Variants in DAB1 observed in about 807,000 individuals in gnomAD.
DAB1 encodes DAB adaptor protein 1.
Under a neutral mutation model 64.6 loss-of-function variants are expected in DAB1, and 15 were observed. The observed-to-expected ratio is 0.23, with a 90% confidence interval of 0.16 to 0.36. DAB1 has a LOEUF of 0.36. Ranked by LOEUF, DAB1 falls within the 10% of genes least tolerant of loss-of-function variation. The pLI is 1.00. For synonymous variants in DAB1, 235 were observed against 251.9 expected (o/e 0.93, Z 0.64); for missense variants, 596 against 706.7 (o/e 0.84, Z 1.78).
At chr1:57,580,746 C>T (rs1645303134) in intron 7 of DAB1, among the ~76,000 whole-genome samples, 1 of 152,192 alleles carries the variant, frequency 6.6e-6, no homozygotes, top group African/African-American at 2.4e-5. Context: ...ACACTTCAAG[C>T]ATCAGATCAG....
At chr1:58,341,177 A>C (rs1394256648) in intron 4 of DAB1, among the ~76,000 whole-genome samples, 1 of 152,226 alleles carries the variant, frequency 6.6e-6, no homozygotes, top group Non-Finnish European at 1.5e-5. Flanking sequence ...GTCATATGAC[A>C]GTCAAGTTTA....
chr1:57,230,813 A>T (rs1667624938), intron 2 of DAB1, among the ~76,000 whole-genome samples: 1 of 152,128 alleles, frequency 6.6e-6, no homozygotes, highest in South Asian at 2.1e-4. Context: ...ATTATTAACT[A>T]TTATTTTGCT....
intron 7 of DAB1, among the ~76,000 whole-genome samples, chr1:57,471,474 G>A (rs995426231): frequency 6.6e-6 from 1 of 152,170 alleles, no homozygotes; most frequent in African/African-American, 2.4e-5. Context: ...GATATGGTTT[G>A]GCTGTGTCCC....
At chr1:57,103,032 C>T (rs988559134) in intron 4 of DAB1, among the ~76,000 whole-genome samples, 4 of 152,114 alleles carry the variant, frequency 2.6e-5, no homozygotes, top group South Asian at 2.1e-4. Flanking sequence ...GAAACCCACA[C>T]GCTCAGGCCT....
At chr1:57,190,125 A>C (rs1158442414) in intron 2 of DAB1, among the ~76,000 whole-genome samples, 2 of 152,152 alleles carry the variant, frequency 1.3e-5, no homozygotes, top group African/African-American at 4.8e-5. Flanking sequence ...GTTAAGGAAG[A>C]GATTGCTGAA....
At chr1:58,192,309 C>T (rs910363483) in intron 4 of DAB1, among the ~76,000 whole-genome samples, 1 of 152,130 alleles carries the variant, frequency 6.6e-6, no homozygotes, top group African/African-American at 2.4e-5. Flanking sequence ...AGTGCAGATT[C>T]CTTACATGCA....
At chr1:57,401,202 C>T (rs1394479929) in intron 1 of DAB1, among the ~76,000 whole-genome samples, 3 of 152,036 alleles carry the variant, frequency 2.0e-5, no homozygotes, top group Non-Finnish European at 2.9e-5. Context: ...CCCAAAGAAA[C>T]GACTGAATTT....
At chr1:58,331,796 CTT>C (rs375059581) in intron 4 of DAB1, among the ~76,000 whole-genome samples, 73 of 152,276 alleles carry the variant, frequency 4.8e-4, no homozygotes, top group African/African-American at 1.7e-3. Context: ...GTAAACATAA[CTT>C]TTATATGCAC....
At chr1:57,346,019 T>C (rs776404931) in intron 1 of DAB1, among the ~76,000 whole-genome samples, 4 of 152,138 alleles carry the variant, frequency 2.6e-5, no homozygotes, top group Non-Finnish European at 5.9e-5. Flanking sequence ...ACGAAAACCC[T>C]GAGATCGAGA....
intron 1 of DAB1, chr1:58,536,603 G>A (rs752287967): frequency 1.1e-6 from 1 of 872,676 alleles, no homozygotes; most frequent in South Asian, 1.3e-5. Flanking sequence ...TTACTTCCAG[G>A]TGAGTAAAAT....
intron 3 of DAB1, among the ~76,000 whole-genome samples, chr1:58,372,017 C>T (rs1197026339): frequency 1.3e-5 from 2 of 152,230 alleles, no homozygotes; most frequent in South Asian, 2.1e-4. Flanking sequence ...TTGGAGCCCC[C>T]ACAGAGAGTC....
At chr1:57,020,518 T>A (rs529825032) in intron 11 of DAB1, among the ~76,000 whole-genome samples, 1 of 151,936 alleles carries the variant, frequency 6.6e-6, no homozygotes, top group East Asian at 1.9e-4. Context: ...CATAGTACAT[T>A]CTCCAGGCCA....
intron 5 of DAB1, among the ~76,000 whole-genome samples, chr1:57,072,081 A>AC (rs1651528391): frequency 6.7e-6 from 1 of 149,018 alleles, no homozygotes; most frequent in African/African-American, 2.5e-5. Flanking sequence ...AAAAAAAAAA[A>AC]CAGAAAAAAC....
intron 6 of DAB1, among the ~76,000 whole-genome samples, chr1:57,715,517 C>T (rs1647073719): frequency 6.6e-6 from 1 of 152,114 alleles, no homozygotes; most frequent in South Asian, 2.1e-4. Flanking sequence ...TTGCAGATAA[C>T]ATCATGATAT....
intron 5 of DAB1, among the ~76,000 whole-genome samples, chr1:57,989,070 A>G (rs1437784263): frequency 6.6e-6 from 1 of 152,110 alleles, no homozygotes; most frequent in East Asian, 1.9e-4. Context: ...CTGGGCTCCA[A>G]ATCTTAGTTC....
intron 7 of DAB1, among the ~76,000 whole-genome samples, chr1:57,544,178 A>C (rs1354709387): frequency 1.3e-5 from 2 of 152,190 alleles, no homozygotes; most frequent in African/African-American, 4.8e-5. Context: ...CCAATGCATG[A>C]GAATATGCAT....
intron 1 of DAB1, among the ~76,000 whole-genome samples, chr1:57,837,191 A>G (rs1183282481): frequency 6.6e-6 from 1 of 152,212 alleles, no homozygotes; most frequent in Non-Finnish European, 1.5e-5. Flanking sequence ...CCAGGCAGTA[A>G]CCAGAATGAT....
intron 1 of DAB1, among the ~76,000 whole-genome samples, chr1:57,356,749 T>G (rs868802477): frequency 1.3e-5 from 2 of 152,120 alleles, no homozygotes; most frequent in African/African-American, 4.8e-5. Context: ...TAAAGCCATG[T>G]GTCCTTACTT....
intron 5 of DAB1, among the ~76,000 whole-genome samples, chr1:57,922,914 C>T (rs1349738212): frequency 2.0e-5 from 3 of 147,094 alleles, no homozygotes; most frequent in African/African-American, 7.5e-5. Context: ...TATTCTTAAT[C>T]TCTTTTTGAC....
Sources: allele counts gnomAD v4.1 joint callset (sites outside exome capture counted in the v4.1 genomes callset), GRCh38; gene constraint gnomAD v4.1.1; transcripts MANE v1.5; gene names NCBI Gene and HGNC (gene_info 2026-07-23, HGNC 2026-07-21).